ZNF718: variants seen among roughly 807,000 people sequenced by gnomAD.
The protein encoded by ZNF718 is zinc finger protein 718.
In ZNF718, 3 loss-of-function variants were observed where a neutral mutation model predicts 2.6. That is an observed-to-expected ratio of 1.16 (90% CI 0.53 to 3.01). ZNF718 has a LOEUF of 3.01. Ranked by LOEUF, ZNF718 falls within the 30% of genes most tolerant of loss-of-function variation. The pLI is 0.03. For synonymous variants in ZNF718, 135 were observed against 77.9 expected (o/e 1.73, Z -3.86); for missense variants, 468 against 230.0 (o/e 2.03, Z -6.69).
In ZNF718 at chr4:161,316, T is replaced by C. The variant is rs782131660; in HGVS notation, c.631T>C (p.Ser211Pro). Residue 211 changes from serine to proline, a missense_variant, in exon 4 of 4, where the codon TCC (serine) becomes CCC (proline). Transcript: ENST00000510175. ...AGAATGTGGCAAAGCCTTTAATTGGTCCTCAATTCTTACTAAACATAAGAG... is the reference window on the plus strand; with the variant it reads ...AGAATGTGGCAAAGCCTTTAATTGGCCCTCAATTCTTACTAAACATAAGAG... ...CEECGKAFNW[S>P]SILTKHKRIH... 1.0e-5 allele frequency: 8 copies of C among 780,990 alleles called. No individual in the cohort carries two copies. Among genetic ancestry groups the C allele is most frequent in the Admixed American group, 5.1e-5 (3 of 58,834 alleles). 48.4% of individuals were successfully genotyped at this position (780,990 alleles called of 1,614,324 possible).
At chr4:136,061 G>A (rs1220958513) in intron 3 of ZNF718, among the ~76,000 whole-genome samples, 1 of 152,112 alleles carries the variant, frequency 6.6e-6, no homozygotes, top group Non-Finnish European at 1.5e-5. Context: ...TTTGATGGTT[G>A]TGTTACCGGA....
rs1553815142 is a variant in ZNF718 at position 161,492 on chromosome 4, C to T, written c.807C>T (p.Thr269=). Residue 269 remains threonine (T), a synonymous_variant, in exon 4 of 4, where the codon ACC becomes ACT. Transcript: ENST00000510175. ...KCGKAFNQSS[T]LNLHKRIHSA... ...GTAAAGCTTTTAACCAATCCTCAAC[C>T]CTTAATTTACATAAGAGAATTCATT... The T allele has an allele frequency of 3.8e-6, 3 of 780,508 alleles. No individual in the cohort carries two copies. Among genetic ancestry groups the T allele is most frequent in the Non-Finnish European group, 7.2e-6 (3 of 417,880 alleles). The allele number at this position is 780,508 out of a possible 1,614,324, so 48.3% of individuals were successfully genotyped here. A position where few individuals can be genotyped will look rare whatever the true frequency, so the allele number is the denominator to read the frequency against.
intron 1 of ZNF718, chr4:124,977 C>A (rs141845826): frequency 5.8e-6 from 2 of 346,452 alleles, no homozygotes; most frequent in Non-Finnish European, 1.1e-5. Context: ...AGCTGTGGTC[C>A]GGAATCCCGT....
intron 3 of ZNF718, among the ~76,000 whole-genome samples, chr4:197,856 C>T (rs548598334): frequency 2.6e-5 from 4 of 152,112 alleles, no homozygotes; most frequent in African/African-American, 9.7e-5. Flanking sequence ...CTGATCAACC[C>T]TCCTGCTAAG....
intron 3 of ZNF718, among the ~76,000 whole-genome samples, chr4:169,758 G>GT (rs1581472051): frequency 6.6e-6 from 1 of 152,214 alleles, no homozygotes; most frequent in East Asian, 1.9e-4. Context: ...CGTGAGATGG[G>GT]TTTCCTGAAT....
intron 3 of ZNF718, among the ~76,000 whole-genome samples, chr4:193,756 G>A (rs1200153161): frequency 6.6e-6 from 1 of 151,940 alleles, no homozygotes; most frequent in African/African-American, 2.4e-5. Context: ...GGGGCCCAGT[G>A]AGGGTGATGG....
At chr4:167,034 G>A (rs1035301113), downstream of ZNF718, among the ~76,000 whole-genome samples, 6 of 152,272 alleles carry the variant, frequency 3.9e-5, no homozygotes, top group Middle Eastern at 3.4e-3. Context: ...TGTATAAGGT[G>A]TAAGGAAGGG....
At chr4:174,464 C>A (rs547712470) in intron 3 of ZNF718, among the ~76,000 whole-genome samples, 1 of 152,174 alleles carries the variant, frequency 6.6e-6, no homozygotes, top group South Asian at 2.1e-4. Context: ...CTCCATAATT[C>A]TTGTCACTTT....
rs892089727 is a variant in ZNF718 at position 164,158 on chromosome 4, C to G, written c.*2036C>G. Among the ~76,000 whole-genome samples the G allele has an allele frequency of 2.0e-5, 3 of 151,802 alleles. No individual in the cohort carries two copies. Among genetic ancestry groups the G allele is most frequent in the Non-Finnish European group, 4.4e-5 (3 of 67,898 alleles). ...CTGAATAAATATGTTTTTAAATGTT[C>G]CATATTTTTCTTTGGACATCTGGCA... is the stretch of plus-strand genomic sequence containing the variant. On this transcript the variant is annotated 3_prime_UTR_variant, in exon 4 of 4. Transcript: ENST00000510175.
intron 3 of ZNF718, among the ~76,000 whole-genome samples, chr4:200,850 T>G (rs558699903): frequency 3.3e-5 from 5 of 152,286 alleles, no homozygotes; most frequent in Admixed American, 1.3e-4. Context: ...AAGACAAAAC[T>G]AAATAGCAAA....
chr4:170,662 C>T (rs566038890), intron 3 of ZNF718, among the ~76,000 whole-genome samples: 7 of 152,264 alleles, frequency 4.6e-5, no homozygotes, highest in African/African-American at 1.4e-4. Flanking sequence ...TTTGTGCGTT[C>T]GTCATGTAGT....
chr4:178,774 AT>A (rs1717399218), intron 3 of ZNF718, among the ~76,000 whole-genome samples: 1 of 152,190 alleles, frequency 6.6e-6, no homozygotes, highest in Admixed American at 6.6e-5. Context: ...TTTAGAAGTC[AT>A]TTATACATAA....
intron 3 of ZNF718, among the ~76,000 whole-genome samples, chr4:173,286 G>A (rs2108810858): frequency 6.6e-6 from 1 of 151,526 alleles, no homozygotes; most frequent in South Asian, 2.1e-4. Context: ...ACAAACACAA[G>A]CAGTATACTC....
At position 161,860 on chromosome 4, in the gene ZNF718, A is replaced by G. The variant is rs782471257; in HGVS notation, c.1175A>G (p.Lys392Arg). ...LNVHKRIHSG[K>R]NPYKCEDCGK... ...GTACACAAGAGAATTCACTCTGGAAAAAATCCCTACAAATGTGAAGATTGT... is the reference window on the plus strand; with the variant it reads ...GTACACAAGAGAATTCACTCTGGAAGAAATCCCTACAAATGTGAAGATTGT... The change falls in exon 4 of 4, where the codon AAA becomes AGA. Residue 392 changes from lysine to arginine, a missense_variant. Transcript: ENST00000510175. The G allele has an allele frequency of 1.3e-6, 1 of 780,850 alleles. No homozygotes were observed. The highest frequency in any genetic ancestry group is 1.3e-5 in the South Asian group (1 of 74,612). 48.4% of individuals were successfully genotyped at this position (780,850 alleles called of 1,614,324 possible). A position where few individuals can be genotyped will look rare whatever the true frequency, so the allele number is the denominator to read the frequency against.
intron 3 of ZNF718, among the ~76,000 whole-genome samples, chr4:193,073 A>G (rs782167786): frequency 1.3e-5 from 2 of 152,172 alleles, no homozygotes; most frequent in African/African-American, 2.4e-5. Flanking sequence ...GAGGGGAGGA[A>G]ACTATGTCCT....
rs199814257 is a variant in ZNF718, at chr4:157,103, CTTTTTTTTTTTT to C, written c.227-3792_227-3781del. On this transcript the variant is annotated intron_variant, in intron 3 of 3. Coordinates refer to ENST00000510175, the MANE Select transcript of ZNF718 (RefSeq NM_001039127.6). ...TTTCTTTTTGTTTCTTTCTTTCTTT[CTTTTTTTTTTTT>C]TTTTTTTTTTTTTTTTCAGACAGTT... Among the ~76,000 whole-genome samples, 333 of 103,180 alleles carry C rather than the reference CTTTTTTTTTTTT, an allele frequency of 3.2e-3. 1 individual carries two copies. Among genetic ancestry groups the C allele is most frequent in the African/African-American group, 0.011 (282 of 25,136 alleles). 67.7% of individuals were successfully genotyped at this position (103,180 alleles called of 152,430 possible). A position where few individuals can be genotyped will look rare whatever the true frequency, so the allele number is the denominator to read the frequency against.
At position 161,869 on chromosome 4, in the gene ZNF718, A is replaced by G. The variant is rs887960130; in HGVS notation, c.1184A>G (p.Tyr395Cys). Residue 395 changes from tyrosine (Y) to cysteine (C), a missense_variant, in exon 4 of 4, where the codon TAC (tyrosine) becomes TGC (cysteine). Physicochemically the swap from Tyr to Cys is radical, Grantham distance 194. Transcript: ENST00000510175. Reference protein sequence around the residue: ...HKRIHSGKNPYKCEDCGKAFK... With the variant: ...HKRIHSGKNPCKCEDCGKAFK... ...AGAATTCACTCTGGAAAAAATCCCT[A>G]CAAATGTGAAGATTGTGGCAAAGCC... 6 of 780,630 alleles carry G rather than the reference A, an allele frequency of 7.7e-6. No individual in the cohort carries two copies. The highest frequency in any genetic ancestry group is 4.9e-5 in the East Asian group (2 of 41,234). 48.4% of individuals were successfully genotyped at this position (780,630 alleles called of 1,614,324 possible).
chr4:145,840 G>T (rs373090344), intron 3 of ZNF718, among the ~76,000 whole-genome samples: 1 of 151,900 alleles, frequency 6.6e-6, no homozygotes, highest in Non-Finnish European at 1.5e-5. Context: ...ACAGAGTCCC[G>T]CTATATTGAC....
chr4:151,303 AC>A (rs1359201177), intron 3 of ZNF718, among the ~76,000 whole-genome samples: 1 of 151,210 alleles, frequency 6.6e-6, no homozygotes, highest in Non-Finnish European at 1.5e-5. Context: ...ACGGGGTTTC[AC>A]CGTGTTGCCC....
Sources: gnomAD v4.1 joint callset for allele counts (sites outside exome capture counted in the v4.1 genomes callset) on GRCh38, gnomAD v4.1.1 for gene constraint, MANE v1.5 for transcripts, NCBI Gene and HGNC (gene_info 2026-07-23, HGNC 2026-07-21) for gene names.